Variants in FSIP1 observed in about 807,000 individuals in gnomAD.
FSIP1 encodes fibrous sheath-interacting protein 1.
FSIP1 carries 65 observed loss-of-function variants against 60.9 expected under a neutral mutation model. The observed-to-expected ratio is 1.07, with a 90% CI of 0.87 to 1.31. The LOEUF is 1.31. Ranked by LOEUF, FSIP1 falls within the 40% of genes most tolerant of loss-of-function variation. The pLI is 0.00. For synonymous variants in FSIP1, 209 were observed against 221.2 expected, an observed-to-expected ratio of 0.94 and a Z score of 0.49; for missense variants, 675 against 665.5, an observed-to-expected ratio of 1.01 and a Z score of -0.16.
At chr15:39,634,680 T>C (rs1183799866) in intron 10 of FSIP1, among the ~76,000 whole-genome samples, 1 of 152,232 alleles carries the variant, frequency 6.6e-6, no homozygotes, top group African/African-American at 2.4e-5. Flanking sequence ...GTGGCCTGTT[T>C]AGAGCTACTT....
At chr15:39,647,319 T>C (rs967072522) in intron 10 of FSIP1, among the ~76,000 whole-genome samples, 1 of 152,220 alleles carries the variant, frequency 6.6e-6, no homozygotes, top group African/African-American at 2.4e-5. Flanking sequence ...TGCTTGACTA[T>C]AATAACCATT....
At chr15:39,634,240 A>C (rs888125320) in intron 10 of FSIP1, among the ~76,000 whole-genome samples, 2 of 152,210 alleles carry the variant, frequency 1.3e-5, no homozygotes, top group Non-Finnish European at 2.9e-5. Context: ...CCCTCTTTTG[A>C]TCCCGTTCCT....
chr15:39,749,355 C>T lies in FSIP1; in HGVS notation c.560-7455G>A, dbSNP rs145851907. 4.7e-3 allele frequency among the ~76,000 whole-genome samples: 703 copies of T among 149,572 alleles called. 3 individuals carry two copies. Among genetic ancestry groups the T allele is most frequent in the Non-Finnish European group, 7.3e-3 (492 of 67,456 alleles). On this transcript the variant is annotated intron_variant, in intron 5 of 11. Transcript: ENST00000350221. ...ATACCTGAGCCACACAAAGACCCAACACAAAAAAGAAAATTACACACCAGG... is the reference window on the plus strand; with the variant it reads ...ATACCTGAGCCACACAAAGACCCAATACAAAAAAGAAAATTACACACCAGG...
intron 11 of FSIP1, among the ~76,000 whole-genome samples, chr15:39,610,704 A>C (rs1192612520): frequency 6.6e-6 from 1 of 152,182 alleles, no homozygotes; most frequent in Non-Finnish European, 1.5e-5. Context: ...AAACAAAGAC[A>C]AAGAATCCTG....
At chr15:39,712,343 G>A (rs1895551707) in intron 10 of FSIP1, among the ~76,000 whole-genome samples, 1 of 152,138 alleles carries the variant, frequency 6.6e-6, no homozygotes, top group African/African-American at 2.4e-5. Flanking sequence ...ACTCCATGGT[G>A]CAGCATATTA....
At chr15:39,618,614 G>A (rs1375637237) in intron 10 of FSIP1, among the ~76,000 whole-genome samples, 1 of 152,170 alleles carries the variant, frequency 6.6e-6, no homozygotes, top group African/African-American at 2.4e-5. Context: ...AAGGGTGAAG[G>A]GTGGTGCATC....
At chr15:39,772,444 C>A (rs1412631247) in intron 2 of FSIP1, among the ~76,000 whole-genome samples, 1 of 151,982 alleles carries the variant, frequency 6.6e-6, no homozygotes, top group East Asian at 1.9e-4. Context: ...CAGGCGCATG[C>A]CACCACACCC....
intron 5 of FSIP1, among the ~76,000 whole-genome samples, chr15:39,750,226 T>C (rs1897124028): frequency 6.6e-6 from 1 of 151,932 alleles, no homozygotes. Context: ...ATTGTGATAA[T>C]GTCCACACTA....
At chr15:39,775,551 T>A (rs1898026085) in intron 2 of FSIP1, among the ~76,000 whole-genome samples, 1 of 152,140 alleles carries the variant, frequency 6.6e-6, no homozygotes, top group Non-Finnish European at 1.5e-5. Flanking sequence ...TAATATCTGA[T>A]ATGTTTTGAC....
intron 10 of FSIP1, among the ~76,000 whole-genome samples, chr15:39,655,999 A>AT (rs1488135106): frequency 2.0e-5 from 3 of 152,200 alleles, no homozygotes; most frequent in Non-Finnish European, 4.4e-5. Flanking sequence ...GCAACTATTG[A>AT]TTAGATGAGG....
intron 10 of FSIP1, among the ~76,000 whole-genome samples, chr15:39,696,998 T>C (rs771009622): frequency 2.6e-5 from 4 of 151,818 alleles, no homozygotes; most frequent in Non-Finnish European, 5.9e-5. Context: ...CATGACCAAG[T>C]GTTAACTATG....
At chr15:39,752,794 T>C (rs1309751048) in intron 5 of FSIP1, among the ~76,000 whole-genome samples, 3 of 152,044 alleles carry the variant, frequency 2.0e-5, no homozygotes, top group Non-Finnish European at 2.9e-5. Flanking sequence ...TATATCAATA[T>C]TGGTTCACTA....
intron 5 of FSIP1, among the ~76,000 whole-genome samples, chr15:39,758,518 G>A (rs910303854): frequency 3.3e-5 from 5 of 151,838 alleles, no homozygotes; most frequent in South Asian, 2.1e-4. Context: ...TTGAGGGGGG[G>A]GAATAAGGGG....
chr15:39,680,844 A>G (rs1220818575), intron 10 of FSIP1, among the ~76,000 whole-genome samples: 1 of 152,204 alleles, frequency 6.6e-6, no homozygotes, highest in Non-Finnish European at 1.5e-5. Context: ...AAACTCTCTC[A>G]TTTGCTCAAG....
intron 5 of FSIP1, among the ~76,000 whole-genome samples, chr15:39,752,006 T>C (rs1897178147): frequency 6.6e-6 from 1 of 151,976 alleles, no homozygotes; most frequent in Non-Finnish European, 1.5e-5. Context: ...CACAATATTA[T>C]GAGACTCAAT....
intron 2 of FSIP1, among the ~76,000 whole-genome samples, chr15:39,773,341 A>G (rs1050065339): frequency 6.6e-6 from 1 of 152,230 alleles, no homozygotes; most frequent in Non-Finnish European, 1.5e-5. Flanking sequence ...CTGACTTTCT[A>G]TGAACTTGAT....
At chr15:39,618,347 T>C in intron 10 of FSIP1, 102 bp from the exon 11 acceptor site, 1 of 825,914 alleles carries the variant, frequency 1.2e-6, no homozygotes, top group Non-Finnish European at 1.9e-6. Flanking sequence ...AGTAACCCCT[T>C]ACACAACACA....
intron 11 of FSIP1, among the ~76,000 whole-genome samples, chr15:39,605,663 G>A (rs747636130): frequency 6.6e-6 from 1 of 152,200 alleles, no homozygotes; most frequent in Non-Finnish European, 1.5e-5. Context: ...TCTAAGGGGA[G>A]CATCTGCTAC....
chr15:39,693,305 G>A lies in FSIP1; in HGVS notation c.1188+20139C>T, dbSNP rs370337437. Among the ~76,000 whole-genome samples, 30 of 152,266 alleles carry A rather than the reference G, an allele frequency of 2.0e-4. No individual in the cohort carries two copies. The South Asian group carries it at 6.2e-3, about 32-fold the overall frequency. On this transcript the variant is annotated intron_variant, in intron 10 of 11. Transcript: ENST00000350221. ...TTTATGGTCTGGTAGCTCCTGAACA[G>A]CCAAGTATATAAGCCACAAAAACAG...
Sources: gnomAD v4.1 joint callset for allele counts (sites outside exome capture counted in the v4.1 genomes callset) on GRCh38, gnomAD v4.1.1 for gene constraint, MANE v1.5 for transcripts, NCBI Gene and HGNC (gene_info 2026-07-23, HGNC 2026-07-21) for gene names.